The following ABL1 variants were observed in gnomAD, a reference collection of about 807,000 sequenced individuals.
ABL1 encodes the protein ABL proto-oncogene 1, non-receptor tyrosine kinase.
A neutral mutation model predicts 94.7 loss-of-function variants in ABL1; 11 were observed. The ratio of observed to expected loss-of-function variants is 0.12; its 90% CI spans 0.07 to 0.19. ABL1 has a LOEUF of 0.19. Ranked by LOEUF, ABL1 falls within the 10% of genes least tolerant of loss-of-function variation. The pLI, the probability that ABL1 is intolerant of heterozygous loss-of-function variation, is 1.00. For missense variants in ABL1, 1,082 were observed against 1,489.4 expected, an observed-to-expected ratio of 0.73 and a Z score of 4.50; for synonymous variants, 656 against 622.4, an observed-to-expected ratio of 1.05 and a Z score of -0.80.
chr9:130,877,274 TCACC>T (rs1319336606), intron 7 of ABL1, among the ~76,000 whole-genome samples: 3 of 148,454 alleles, frequency 2.0e-5, no homozygotes, highest in African/African-American at 2.6e-5. Flanking sequence ...CAGGCCTGAA[TCACC>T]CATTTCTCTA....
Position 130,882,850 on chromosome 9 carries a change from A to T in ABL1, c.1679-1119A>T, listed in dbSNP as rs186240669. ...CGCCTGGCTACCAGAAAGATTTCTT[A>T]TGAGCTATGATTCATATTTAAAGAG... On this transcript the variant is annotated intron_variant, in intron 10 of 10. Coordinates refer to ENST00000318560, the MANE Select transcript of ABL1 (RefSeq NM_005157.6). 3.3e-3 allele frequency among the ~76,000 whole-genome samples: 509 copies of T among 152,250 alleles called. 1 individual carries two copies. Among genetic ancestry groups the T allele is most frequent in the Non-Finnish European group, 5.5e-3 (372 of 68,018 alleles).
chr9:130,834,531 C>T (rs568997391), upstream of ABL1, among the ~76,000 whole-genome samples: 1 of 152,310 alleles, frequency 6.6e-6, no homozygotes, highest in South Asian at 2.1e-4. Flanking sequence ...ATGGTCCCCC[C>T]ACCCTCACCC....
At chr9:130,845,328 A>T (rs752201133) in intron 1 of ABL1, among the ~76,000 whole-genome samples, 13 of 151,970 alleles carry the variant, frequency 8.6e-5, no homozygotes, top group Admixed American at 2.0e-4. Flanking sequence ...CCCCATCAAC[A>T]GTCCAAATCT....
rs1047504263 is a variant in ABL1 at position 130,884,555 on chromosome 9, C to T, written c.2265C>T (p.His755=). 6.2e-7 allele frequency: 1 copy of T among 1,613,174 alleles called. No homozygotes were observed. Among genetic ancestry groups the T allele is most frequent in the African/African-American group, 1.3e-5 (1 of 75,048 alleles). The change falls in exon 11 of 11, where the codon CAC becomes CAT. Residue 755 remains histidine (H), a synonymous_variant. Transcript: ENST00000318560. The surrounding 1 kb of genome is among the most constrained non-coding windows in gnomAD (Gnocchi z 5.6). ...RQFDSSTFGG[H]KSEKPALPRK... is the part of the protein sequence containing the mutation. ...TTGACTCGTCCACATTTGGAGGGCA[C>T]AAAAGTGAGAAGCCGGCTCTGCCTC...
chr9:130,882,725 G>A (rs1376876991), intron 10 of ABL1, among the ~76,000 whole-genome samples: 4 of 151,934 alleles, frequency 2.6e-5, no homozygotes, highest in Non-Finnish European at 5.9e-5. Flanking sequence ...TAGTAGAGAC[G>A]GGGTTTCATC....
rs547560159 is a variant in ABL1, at chr9:130,880,300, G to T, written c.1513+143G>T. 3 of 1,107,086 alleles carry T rather than the reference G, an allele frequency of 2.7e-6. No individual in the cohort carries two copies. Among genetic ancestry groups the T allele is most frequent in the African/African-American group, 1.5e-5 (1 of 64,562 alleles). The allele number at this position is 1,107,086 out of a possible 1,614,324, so 68.6% of individuals were successfully genotyped here. ...CCAGAAAGCTGGGCAGAGGTGTGGA[G>T]TATTGTGCTTTCTTGTCTGCTGCAG... On this transcript the variant is annotated intron_variant, in intron 9 of 10. Coordinates refer to ENST00000318560, the MANE Select transcript of ABL1 (RefSeq NM_005157.6). The surrounding 1 kb of genome is among the most constrained non-coding windows in gnomAD (Gnocchi z 4.4).
chr9:130,771,389 T>C (rs1832249377), intron 1 of ABL1, among the ~76,000 whole-genome samples: 1 of 152,186 alleles, frequency 6.6e-6, no homozygotes, highest in African/African-American at 2.4e-5. Flanking sequence ...TTTAAGTTTT[T>C]TTTAGGGAAG....
chr9:130,797,019 C>T lies in ABL1; in HGVS notation c.137-57045C>T, dbSNP rs1415543808. On this transcript the variant is annotated intron_variant, in intron 1 of 10. Coordinates refer to the ABL1 transcript ENST00000372348. ...TTGGGAGGCTGAGGCGGGTGGATCA[C>T]GAGATCAGGAGTTCAAGACCAGGGT... is the stretch of plus-strand genomic sequence containing the variant. Among the ~76,000 whole-genome samples the T allele has an allele frequency of 4.0e-5, 6 of 149,612 alleles. No homozygotes were observed. In the South Asian group the frequency reaches 8.4e-4, roughly 21 times the overall value.
At chr9:130,859,901 G>A (rs191603070) in intron 3 of ABL1, among the ~76,000 whole-genome samples, 70 of 151,910 alleles carry the variant, frequency 4.6e-4, no homozygotes, top group East Asian at 1.2e-3. Flanking sequence ...GGCTGGTTTC[G>A]AACGCCTGAC....
At chr9:130,735,961 A>ATATATATATT (rs573602038) in intron 1 of ABL1, among the ~76,000 whole-genome samples, 50 of 94,832 alleles carry the variant, frequency 5.3e-4, no homozygotes, top group African/African-American at 2.0e-3. Context: ...ATATATATAT[A>ATATATATATT]TTTTTTTTTT....
intron 1 of ABL1, among the ~76,000 whole-genome samples, chr9:130,759,963 A>AT (rs34154339): frequency 0.026 from 2,438 of 93,012 alleles, 104 homozygotes; most frequent in African/African-American, 0.033. Context: ...AGGTAATTTA[A>AT]TTTTTTTTTT....
At chr9:130,817,389 T>C (rs1830301278) in intron 1 of ABL1, among the ~76,000 whole-genome samples, 1 of 152,238 alleles carries the variant, frequency 6.6e-6, no homozygotes, top group Non-Finnish European at 1.5e-5. Context: ...TCATGGCCTG[T>C]TCCTCTTCCT....
At chr9:130,815,528 A>G (rs1588250365) in intron 1 of ABL1, among the ~76,000 whole-genome samples, 1 of 152,194 alleles carries the variant, frequency 6.6e-6, no homozygotes, top group Non-Finnish European at 1.5e-5. Flanking sequence ...TTCAGAGTCT[A>G]TCCAGGTCAC....
At chr9:130,797,608 C>T (rs1829997002) in intron 1 of ABL1, among the ~76,000 whole-genome samples, 1 of 152,192 alleles carries the variant, frequency 6.6e-6, no homozygotes, top group Non-Finnish European at 1.5e-5. Context: ...CTCCTAGCCT[C>T]AAGTGATCCG....
chr9:130,790,625 C>G (rs2132806290), intron 1 of ABL1, among the ~76,000 whole-genome samples: 1 of 151,744 alleles, frequency 6.6e-6, no homozygotes, highest in Admixed American at 6.6e-5. Context: ...AATTACCACA[C>G]CTAGTATTTT....
intron 1 of ABL1, among the ~76,000 whole-genome samples, chr9:130,748,776 CAT>C (rs1831919933): frequency 6.6e-6 from 1 of 152,028 alleles, no homozygotes; most frequent in African/African-American, 2.4e-5. Flanking sequence ...GGGGTTTCGC[CAT>C]GTTGGCCAGG....
At chr9:130,722,788 A>G (rs912716149) in intron 1 of ABL1, among the ~76,000 whole-genome samples, 5 of 152,346 alleles carry the variant, frequency 3.3e-5, no homozygotes, top group South Asian at 2.1e-4. Flanking sequence ...AGAAGTTTCA[A>G]TTGTGGGGTA....
At chr9:130,780,010 G>T (rs1473748663) in intron 1 of ABL1, among the ~76,000 whole-genome samples, 1 of 152,182 alleles carries the variant, frequency 6.6e-6, no homozygotes, top group African/African-American at 2.4e-5. Flanking sequence ...CCTGGGCCGG[G>T]CGCGGTGGCT....
intron 1 of ABL1, among the ~76,000 whole-genome samples, chr9:130,763,100 A>C (rs890903544): frequency 6.6e-6 from 1 of 151,896 alleles, no homozygotes; most frequent in African/African-American, 2.4e-5. Flanking sequence ...CTGTTTCTTC[A>C]GTATGACATT....
Sources: gnomAD v4.1 joint callset for allele counts (sites outside exome capture counted in the v4.1 genomes callset) on GRCh38, gnomAD v4.1.1 for gene constraint, Gnocchi (gnomAD v3.1) non-coding constraint, MANE v1.5 for transcripts, NCBI Gene and HGNC (gene_info 2026-07-23, HGNC 2026-07-21) for gene names.